The following TCF12 variants were observed in gnomAD, a reference collection of about 807,000 sequenced individuals.
TCF12 encodes transcription factor 12, also known as DNA-binding protein HTF4.
A neutral mutation model predicts 86.0 loss-of-function variants in TCF12; 45 were observed. The ratio of observed to expected loss-of-function variants is 0.52; its 90% confidence interval spans 0.41 to 0.67. The LOEUF (loss-of-function observed/expected upper bound fraction) is 0.67. Among genes scored for constraint, TCF12 ranks in the 30% least tolerant of loss-of-function variants. The probability of loss-of-function intolerance (pLI) is 0.00; values close to 1 mark genes in which losing one functional copy is unlikely to be tolerated. For missense variants in TCF12, 881 were observed against 859.9 expected (o/e 1.02, Z -0.31); for synonymous variants, 330 against 299.6 (o/e 1.10, Z -1.05).
intron 3 of TCF12, among the ~76,000 whole-genome samples, chr15:56,935,025 C>T (rs542666731): frequency 6.6e-6 from 1 of 152,238 alleles, no homozygotes; most frequent in South Asian, 2.1e-4. Context: ...ATGAGAATAG[C>T]TGGTAGGTGA....
At chr15:57,245,663 C>A (rs1372892717) in intron 13 of TCF12, among the ~76,000 whole-genome samples, 1 of 152,088 alleles carries the variant, frequency 6.6e-6, no homozygotes, top group Non-Finnish European at 1.5e-5. Flanking sequence ...TAGACATTTT[C>A]CAAAAAACTA....
chr15:56,991,564 A>T (rs1210213456), intron 3 of TCF12, among the ~76,000 whole-genome samples: 1 of 152,244 alleles, frequency 6.6e-6, no homozygotes, highest in East Asian at 1.9e-4. Flanking sequence ...TCTTATCAAT[A>T]TGCACTATGG....
At chr15:56,968,773 TGAC>T (rs1428006153) in intron 3 of TCF12, among the ~76,000 whole-genome samples, 3 of 152,198 alleles carry the variant, frequency 2.0e-5, no homozygotes, top group Admixed American at 1.3e-4. Context: ...GAGGTCCTGA[TGAC>T]ATGTGCTCAA....
intron 3 of TCF12, among the ~76,000 whole-genome samples, chr15:56,990,151 CTTTTT>C (rs372235874): frequency 3.2e-5 from 3 of 92,724 alleles, no homozygotes; most frequent in South Asian, 3.6e-4. Flanking sequence ...ATAGTCTTGT[CTTTTT>C]TTTTTTTTTT....
At chr15:57,272,066 G>C (rs1364425326) in intron 18 of TCF12, among the ~76,000 whole-genome samples, 1 of 152,188 alleles carries the variant, frequency 6.6e-6, no homozygotes, top group Non-Finnish European at 1.5e-5. Flanking sequence ...TGTAGAGTAT[G>C]TATGTGATCT....
At chr15:57,235,501 G>T (rs373451668) in intron 12 of TCF12, among the ~76,000 whole-genome samples, 1 of 152,108 alleles carries the variant, frequency 6.6e-6, no homozygotes, top group Non-Finnish European at 1.5e-5. Flanking sequence ...CAGAAAGTGC[G>T]GTGCTGTGGT....
chr15:57,204,583 G>C (rs927854903), intron 8 of TCF12, among the ~76,000 whole-genome samples: 3 of 152,056 alleles, frequency 2.0e-5, no homozygotes, highest in African/African-American at 7.2e-5. Flanking sequence ...ATTTGTTATC[G>C]TAAATTTGAA....
At chr15:57,063,201 G>A (rs2068595574) in intron 3 of TCF12, among the ~76,000 whole-genome samples, 1 of 152,122 alleles carries the variant, frequency 6.6e-6, no homozygotes, top group African/African-American at 2.4e-5. Context: ...TACTAAGGGT[G>A]AGTTTTCATG....
In TCF12 at chr15:57,288,859, T is replaced by C. The variant is rs1227287625; in HGVS notation, c.*2714T>C. On this transcript the variant is annotated 3_prime_UTR_variant, in exon 21 of 21. Coordinates refer to ENST00000333725, the MANE Select transcript of TCF12 (RefSeq NM_207037.2). ...GATGGAAAAAGACTCAAAAGAGGCT[T>C]TTTAAGTTATTCTTCAAAGCACTTT... 6.6e-6 allele frequency: 1 copy of C among 152,190 alleles called. No individual in the cohort carries two copies. Among genetic ancestry groups the C allele is most frequent in the Non-Finnish European group, 1.5e-5 (1 of 68,028 alleles). 9.4% of individuals were successfully genotyped at this position (152,190 alleles called of 1,614,324 possible). A position where few individuals can be genotyped will look rare whatever the true frequency, so the allele number is the denominator to read the frequency against.
intron 5 of TCF12, among the ~76,000 whole-genome samples, chr15:57,162,737 G>A (rs541860691): frequency 5.9e-5 from 9 of 152,124 alleles, no homozygotes; most frequent in African/African-American, 1.9e-4. Flanking sequence ...GGGTAGCCTC[G>A]ACACAGATAA....
At position 57,000,728 on chromosome 15, in the gene TCF12, G is replaced by GT. The variant is rs1264211846; in HGVS notation, c.149-63017dup. 3.9e-5 allele frequency among the ~76,000 whole-genome samples: 6 copies of GT among 152,136 alleles called. No homozygotes were observed. The East Asian group carries it at 7.7e-4, about 20-fold the overall frequency. ...GATGATGTTTTTCCAGTCTAACTTT[G>GT]TTTTTATTATCTGTGCCTCCTTATT... On this transcript the variant is annotated intron_variant, in intron 3 of 20. Transcript: ENST00000333725.
chr15:57,003,671 T>G (rs755364720), intron 3 of TCF12, among the ~76,000 whole-genome samples: 1 of 152,214 alleles, frequency 6.6e-6, no homozygotes, highest in Non-Finnish European at 1.5e-5. Context: ...CTCAGATTTT[T>G]TGTTATCCCG....
At chr15:57,018,673 T>C (rs1338437607) in intron 3 of TCF12, among the ~76,000 whole-genome samples, 1 of 152,032 alleles carries the variant, frequency 6.6e-6, no homozygotes, top group Non-Finnish European at 1.5e-5. Flanking sequence ...ACTCCTGAGC[T>C]CAAGCACTCC....
intron 5 of TCF12, among the ~76,000 whole-genome samples, chr15:57,126,984 CTT>C (rs11361012): frequency 3.0e-4 from 41 of 137,512 alleles, no homozygotes; most frequent in Non-Finnish European, 4.0e-4. Flanking sequence ...TTTTTCTTTT[CTT>C]TTTTTTTTTT....
chr15:57,000,123 T>A (rs753644259), intron 3 of TCF12, among the ~76,000 whole-genome samples: 2 of 152,160 alleles, frequency 1.3e-5, no homozygotes, highest in Non-Finnish European at 2.9e-5. Context: ...ACTTAAAATC[T>A]GTGAGCAACT....
In TCF12 at chr15:57,208,380, C is replaced by CTTT. The variant is rs1184422578; in HGVS notation, c.579+10572_579+10574dup. ...ACCTTGTTCTTTGGACAAAAATATC[C>CTTT]TTTTTTTTTTTTTTTTTTTGGAGAC... On this transcript the variant is annotated intron_variant, in intron 8 of 20. Coordinates refer to ENST00000333725, the MANE Select transcript of TCF12 (RefSeq NM_207037.2). Among the ~76,000 whole-genome samples, 278 of 65,568 alleles carry CTTT rather than the reference C, an allele frequency of 4.2e-3. 39 individuals carry two copies. The highest frequency in any genetic ancestry group is 0.019 in the Middle Eastern group (1 of 54). The allele number at this position is 65,568 out of a possible 152,430, so 43.0% of individuals were successfully genotyped here.
intron 3 of TCF12, 24 bp from the exon 4 acceptor site, chr15:57,063,726 T>C (rs1400726441): frequency 1.9e-6 from 3 of 1,579,778 alleles, no homozygotes; most frequent in Non-Finnish European, 2.6e-6. Flanking sequence ...TTTAGATATA[T>C]CTTTTATTTT....
intron 12 of TCF12, among the ~76,000 whole-genome samples, chr15:57,237,670 CTTCT>C (rs1293284088): frequency 1.3e-5 from 2 of 152,192 alleles, no homozygotes; most frequent in Non-Finnish European, 2.9e-5. Flanking sequence ...TGATTTTGTT[CTTCT>C]TTTTATTCTT....
chr15:57,018,624 A>G (rs2065289747), intron 3 of TCF12, among the ~76,000 whole-genome samples: 1 of 151,370 alleles, frequency 6.6e-6, no homozygotes, highest in South Asian at 2.1e-4. Flanking sequence ...CAGCATGCCC[A>G]TCTTGTATTT....
Sources: allele counts gnomAD v4.1 joint callset (sites outside exome capture counted in the v4.1 genomes callset), GRCh38; gene constraint gnomAD v4.1.1; transcripts MANE v1.5; gene names NCBI Gene and HGNC (gene_info 2026-07-23, HGNC 2026-07-21).